Variants in PCDHGA1 observed in about 807,000 individuals in gnomAD.
The protein encoded by PCDHGA1 is protocadherin gamma-A1.
In PCDHGA1, 32 loss-of-function variants were observed where a neutral mutation model predicts 58.0. The observed-to-expected ratio is 0.55, with a 90% CI of 0.42 to 0.74. The LOEUF is 0.74. Ranked by LOEUF, PCDHGA1 falls within the 30% of genes least tolerant of loss-of-function variation. The pLI is 0.00. For missense variants in PCDHGA1, 1,205 were observed against 1,182.3 expected (o/e 1.02, Z -0.28); for synonymous variants, 498 against 501.1 (o/e 0.99, Z 0.08).
chr5:141,356,605 G>T (rs1760271301), intron 1 of PCDHGA1: 4 of 1,614,008 alleles, frequency 2.5e-6, no homozygotes, highest in African/African-American at 1.3e-5. Context: ...CCCCAGAGGA[G>T]CCTCCATCTT....
chr5:141,425,119 T>G (rs1234720658), intron 1 of PCDHGA1, among the ~76,000 whole-genome samples: 1 of 152,220 alleles, frequency 6.6e-6, no homozygotes, highest in Non-Finnish European at 1.5e-5. Context: ...ACATTTTTCT[T>G]GAAGTCAAGA....
intron 1 of PCDHGA1, among the ~76,000 whole-genome samples, chr5:141,492,996 AG>A: frequency 6.6e-6 from 1 of 152,348 alleles, no homozygotes; most frequent in Admixed American, 6.5e-5. Flanking sequence ...GCAGATGGAA[AG>A]CTATAGGCTC....
In PCDHGA1 at chr5:141,490,091, A is replaced by T; in HGVS notation, c.2422-4716A>T. 6.2e-7 allele frequency: 1 copy of T among 1,614,240 alleles called. No homozygotes were observed. Among genetic ancestry groups the T allele is most frequent in the East Asian group, 2.2e-5 (1 of 44,888 alleles). ...CAACTAGACTATTCTTTTGGAGACC[A>T]CACATCTGAGGCAGTGCGGAACCTC... On this transcript the variant is annotated intron_variant, in intron 1 of 3. Coordinates refer to ENST00000517417, the MANE Select transcript of PCDHGA1 (RefSeq NM_018912.3). The surrounding 1 kb of genome is among the most constrained non-coding windows in gnomAD (Gnocchi z 5.4).
rs544291535 is a variant in PCDHGA1 at position 141,433,938 on chromosome 5, C to T, written c.2422-60869C>T. 4.6e-5 allele frequency among the ~76,000 whole-genome samples: 7 copies of T among 151,784 alleles called. No homozygotes were observed. The South Asian group carries it at 1.3e-3, about 27-fold the overall frequency. On this transcript the variant is annotated intron_variant, in intron 1 of 3. Coordinates refer to ENST00000517417, the MANE Select transcript of PCDHGA1 (RefSeq NM_018912.3). ...CCTCCAAATGAAGATTTTATAATTCCATTGTTTCTTCTACAGTTGTTAATT... is the reference window on the plus strand; with the variant it reads ...CCTCCAAATGAAGATTTTATAATTCTATTGTTTCTTCTACAGTTGTTAATT...
At chr5:141,345,376 A>G in intron 1 of PCDHGA1, 1 of 1,613,246 alleles carries the variant, frequency 6.2e-7, no homozygotes, top group South Asian at 1.1e-5. Flanking sequence ...ATCAATGACA[A>G]CCCACCCACC....
At chr5:141,340,863 C>T (rs1246775805) in intron 1 of PCDHGA1, 5 of 1,613,622 alleles carry the variant, frequency 3.1e-6, no homozygotes, top group Non-Finnish European at 4.2e-6. Flanking sequence ...ACGGCGCGAG[C>T]CCTGCTGGAC....
At position 141,491,891 on chromosome 5, in the gene PCDHGA1, G is replaced by T. The variant is rs1487484740; in HGVS notation, c.2422-2916G>T. On this transcript the variant is annotated intron_variant, in intron 1 of 3. Coordinates refer to ENST00000517417, the MANE Select transcript of PCDHGA1 (RefSeq NM_018912.3). This position sits in a 1 kb window ranked among gnomAD's most constrained non-coding sequence, Gnocchi z 6.9. ...GTGGCCGATTAAGGGATGGGGCTCC[G>T]AGCACCGGGGGTGGTGGCGACTGTG... 19 of 1,439,438 alleles carry T rather than the reference G, an allele frequency of 1.3e-5. No homozygotes were observed. The East Asian group carries it at 4.8e-4, about 36-fold the overall frequency. 89.2% of individuals were successfully genotyped at this position (1,439,438 alleles called of 1,614,324 possible). A position where few individuals can be genotyped will look rare whatever the true frequency, so the allele number is the denominator to read the frequency against.
chr5:141,423,506 T>C (rs1242003813), intron 1 of PCDHGA1: 1 of 1,613,808 alleles, frequency 6.2e-7, no homozygotes, highest in African/African-American at 1.3e-5. Context: ...GAGGTCTCTC[T>C]CATTGCGGAC....
At chr5:141,464,685 C>A (rs1283627323) in intron 1 of PCDHGA1, among the ~76,000 whole-genome samples, 1 of 152,006 alleles carries the variant, frequency 6.6e-6, no homozygotes, top group Non-Finnish European at 1.5e-5. Flanking sequence ...ATTAAAATTT[C>A]TCTTATTATG....
chr5:141,490,467 C>T lies in PCDHGA1; in HGVS notation c.2422-4340C>T. ...AGAACCACTACTCGCTGCTAACCAG[C>T]CAGCCTTTGGACCGGGAGGCCACAT... is the stretch of plus-strand genomic sequence containing the variant. On this transcript the variant is annotated intron_variant, in intron 1 of 3. Transcript: ENST00000517417. This position sits in a 1 kb window ranked among gnomAD's most constrained non-coding sequence, Gnocchi z 5.4. The T allele has an allele frequency of 6.2e-7, 1 of 1,614,216 alleles. No individual in the cohort carries two copies. The highest frequency in any genetic ancestry group is 8.5e-7 in the Non-Finnish European group (1 of 1,180,040).
chr5:141,400,168 C>G, intron 1 of PCDHGA1: 1 of 1,614,088 alleles, frequency 6.2e-7, no homozygotes, highest in South Asian at 1.1e-5. Context: ...CTCTGACCCC[C>G]AGGCTGAGCT....
chr5:141,413,445 C>A (rs764464917), intron 1 of PCDHGA1: 1 of 1,613,986 alleles, frequency 6.2e-7, no homozygotes, highest in Admixed American at 1.7e-5. Flanking sequence ...GCTTGATCAC[C>A]GCGGGCAGGA....
chr5:141,434,992 C>A (rs2097735368), intron 1 of PCDHGA1, among the ~76,000 whole-genome samples: 1 of 151,902 alleles, frequency 6.6e-6, no homozygotes, highest in Non-Finnish European at 1.5e-5. Context: ...ATATCATTTT[C>A]TAGCTGAATT....
intron 1 of PCDHGA1, chr5:141,374,086 G>T: frequency 6.5e-7 from 1 of 1,529,104 alleles, no homozygotes. Context: ...AGCCAGTAAT[G>T]GCGCCTCCGC....
chr5:141,331,483 A>T lies in PCDHGA1; in HGVS notation c.799A>T (p.Thr267Ser). ...TACTCAGCTGCTCATGGTAAATGCC[A>T]CTGACCCTGATGAGGGAGCCAATGG... ...LGTQLLMVNA[T>S]DPDEGANGEV... Residue 267 changes from threonine (T) to serine (S), a missense_variant, in exon 1 of 4, where the codon ACT becomes TCT. Thr to Ser is a moderately conservative substitution (Grantham distance 58). Coordinates refer to ENST00000517417, the MANE Select transcript of PCDHGA1 (RefSeq NM_018912.3). The T allele has an allele frequency of 6.2e-7, 1 of 1,614,216 alleles. No homozygotes were observed. Among genetic ancestry groups the T allele is most frequent in the Non-Finnish European group, 8.5e-7 (1 of 1,180,040 alleles).
At chr5:141,503,502 G>A (rs750139098) in intron 2 of PCDHGA1, among the ~76,000 whole-genome samples, 5 of 151,828 alleles carry the variant, frequency 3.3e-5, no homozygotes, top group Admixed American at 2.0e-4. Context: ...AAGAGGCTGA[G>A]GCAGGAGAAT....
At position 141,447,650 on chromosome 5, in the gene PCDHGA1, T is replaced by C. The variant is rs555134653; in HGVS notation, c.2422-47157T>C. Reference sequence around the variant, plus strand: ...AACAGTATGAATGATGGTAGAATTTTCCCCCCCAGGAAGTTAGAACTGTTC... The same window carrying C: ...AACAGTATGAATGATGGTAGAATTTCCCCCCCCAGGAAGTTAGAACTGTTC... On this transcript the variant is annotated intron_variant, in intron 1 of 3. Transcript: ENST00000517417. Among the ~76,000 whole-genome samples, 24 of 152,106 alleles carry C rather than the reference T, an allele frequency of 1.6e-4. No homozygotes were observed. The South Asian group carries it at 2.3e-3, about 15-fold the overall frequency.
chr5:141,372,044 G>T (rs758767680), intron 1 of PCDHGA1: 2 of 1,613,384 alleles, frequency 1.2e-6, no homozygotes, highest in Non-Finnish European at 1.7e-6. Context: ...GCCTGCGCGT[G>T]TTGGTGGACG....
At chr5:141,403,860 C>A (rs201458472) in intron 1 of PCDHGA1, 1 of 1,613,382 alleles carries the variant, frequency 6.2e-7, no homozygotes, top group Non-Finnish European at 8.5e-7. Flanking sequence ...GAAATATCAA[C>A]AGCAAAAAGT....
Sources: allele counts gnomAD v4.1 joint callset (sites outside exome capture counted in the v4.1 genomes callset), GRCh38; gene constraint gnomAD v4.1.1; non-coding constraint Gnocchi (gnomAD v3.1); transcripts MANE v1.5; gene names NCBI Gene and HGNC (gene_info 2026-07-23, HGNC 2026-07-21).